The following S100Z variants were observed in gnomAD, a reference collection of about 807,000 sequenced individuals.
The protein encoded by S100Z is S100 calcium binding protein Z, also known as protein S100-Z.
Under a neutral mutation model 8.5 loss-of-function variants are expected in S100Z, and 11 were observed. The observed-to-expected ratio is 1.30, with a 90% confidence interval of 0.82 to 2.15. The LOEUF (loss-of-function observed/expected upper bound fraction) is 2.15, where lower values mean the gene tolerates loss of function less well. Ranked by LOEUF, S100Z falls within the 30% of genes most tolerant of loss-of-function variation. S100Z has a pLI of 0.00. For missense variants in S100Z, 126 were observed against 117.9 expected, an observed-to-expected ratio of 1.07 and a Z score of -0.32; for synonymous variants, 34 against 43.8, an observed-to-expected ratio of 0.78 and a Z score of 0.89.
the S100Z span, among the ~76,000 whole-genome samples, chr5:76,945,486 G>T: frequency 6.6e-6 from 1 of 152,256 alleles, no homozygotes; most frequent in African/African-American, 2.4e-5. Flanking sequence ...TATAAAACCT[G>T]ATTGTACATT....
At chr5:76,926,825 C>T in the S100Z span, among the ~76,000 whole-genome samples, 2 of 152,314 alleles carry the variant, frequency 1.3e-5, no homozygotes, top group Admixed American at 1.3e-4. Flanking sequence ...AAGATTCCCC[C>T]TGAAGAGTTG....
chr5:76,905,530 A>C (rs1331024118), intron 4 of S100Z, among the ~76,000 whole-genome samples: 5 of 152,090 alleles, frequency 3.3e-5, no homozygotes, highest in African/African-American at 4.8e-5. Context: ...CTTCTGCCTC[A>C]GCCTCCTGAG....
the S100Z span, among the ~76,000 whole-genome samples, chr5:76,927,740 A>G: frequency 4.6e-5 from 7 of 152,228 alleles, no homozygotes; most frequent in Non-Finnish European, 1.0e-4. Context: ...GAAGGTGAAG[A>G]CTAACATTCA....
intron 4 of S100Z, among the ~76,000 whole-genome samples, chr5:76,894,382 C>G (rs540643596): frequency 6.6e-6 from 1 of 152,332 alleles, no homozygotes; most frequent in African/African-American, 2.4e-5. Flanking sequence ...CACATGTTCT[C>G]AGGACCTCCT....
At chr5:76,855,442 C>T (rs193175894) in intron 1 of S100Z, among the ~76,000 whole-genome samples, 34 of 152,344 alleles carry the variant, frequency 2.2e-4, no homozygotes, top group Admixed American at 2.2e-3. Flanking sequence ...CCACCCCTTG[C>T]AGCAGTGTGC....
chr5:76,919,612 C>CT (rs1160477384), intron 4 of S100Z, among the ~76,000 whole-genome samples: 5,244 of 118,298 alleles, frequency 0.044, 237 homozygotes, highest in African/African-American at 0.12. Flanking sequence ...TTTTCTCTTC[C>CT]TTTTTTTTTT....
chr5:76,915,546 T>C (rs1042238321), intron 4 of S100Z, among the ~76,000 whole-genome samples: 6 of 150,990 alleles, frequency 4.0e-5, no homozygotes, highest in Non-Finnish European at 3.0e-5. Context: ...AGGTGGAGCT[T>C]GCAATGAGCC....
intron 3 of S100Z, among the ~76,000 whole-genome samples, chr5:76,876,371 ATTT>A (rs796432506): frequency 7.1e-6 from 1 of 141,408 alleles, no homozygotes; most frequent in Admixed American, 7.1e-5. Context: ...TGGCTACTGT[ATTT>A]TTTTTTTTTT....
chr5:76,943,821 C>T, the S100Z span, among the ~76,000 whole-genome samples: 1 of 152,132 alleles, frequency 6.6e-6, no homozygotes, highest in Non-Finnish European at 1.5e-5. Context: ...GACACCCAAT[C>T]CAGGGTCCTT....
At chr5:76,937,019 G>A in the S100Z span, among the ~76,000 whole-genome samples, 4 of 152,046 alleles carry the variant, frequency 2.6e-5, no homozygotes, top group African/African-American at 2.4e-5. Context: ...ATCGTCATAC[G>A]CAAAACAGAA....
At chr5:76,916,717 T>C (rs962132831) in intron 4 of S100Z, among the ~76,000 whole-genome samples, 1 of 152,018 alleles carries the variant, frequency 6.6e-6, no homozygotes, top group Non-Finnish European at 1.5e-5. Flanking sequence ...TAAGGAAAAT[T>C]AAAAACACAT....
chr5:76,903,325 T>C (rs1744301080), intron 4 of S100Z, among the ~76,000 whole-genome samples: 1 of 152,244 alleles, frequency 6.6e-6, no homozygotes, highest in Non-Finnish European at 1.5e-5. Flanking sequence ...GAATTAGGCA[T>C]GATGTAGCCT....
chr5:76,861,708 T>C (rs1028399150), intron 1 of S100Z, among the ~76,000 whole-genome samples: 3 of 152,226 alleles, frequency 2.0e-5, no homozygotes, highest in Non-Finnish European at 4.4e-5. Flanking sequence ...ACACATTCTA[T>C]GTGTTTATTT....
chr5:76,860,054 CAGGGCTCTTAATTGCCGGCAATAAA>C (rs1751011362), intron 1 of S100Z, among the ~76,000 whole-genome samples: 1 of 152,124 alleles, frequency 6.6e-6, no homozygotes, highest in Admixed American at 6.6e-5. Flanking sequence ...GTATATCAGA[CAGGGCTCTTAATTGCCGGCAATAAA>C]AGTTGACTCT....
chr5:76,853,271 C>G (rs181552365), intron 1 of S100Z, among the ~76,000 whole-genome samples: 70 of 152,284 alleles, frequency 4.6e-4, no homozygotes, highest in African/African-American at 1.6e-3. Context: ...TTGCAGCAGT[C>G]ATCTTGTGAC....
intron 4 of S100Z, among the ~76,000 whole-genome samples, chr5:76,880,424 A>G (rs1188842215): frequency 4.6e-5 from 7 of 152,168 alleles, no homozygotes; most frequent in Middle Eastern, 3.4e-3. Flanking sequence ...ATGGAGAGAT[A>G]ATGGGTGATG....
At chr5:76,904,715 A>T (rs977676180) in intron 4 of S100Z, among the ~76,000 whole-genome samples, 12 of 150,756 alleles carry the variant, frequency 8.0e-5, no homozygotes, top group East Asian at 2.0e-4. Context: ...ATTAAAAAAA[A>T]TTTTTTTTTG....
chr5:76,911,458 C>T (rs1013038644), intron 4 of S100Z, among the ~76,000 whole-genome samples: 2 of 152,206 alleles, frequency 1.3e-5, no homozygotes, highest in Admixed American at 6.5e-5. Context: ...TTCCCCTGCA[C>T]TCTGACTCCC....
chr5:76,910,372 T>A (rs1012443445), intron 4 of S100Z, among the ~76,000 whole-genome samples: 1 of 152,074 alleles, frequency 6.6e-6, no homozygotes, highest in African/African-American at 2.4e-5. Flanking sequence ...TGGTGTTCTA[T>A]AATAGGGACC....
Sources: gnomAD v4.1 joint callset for allele counts (sites outside exome capture counted in the v4.1 genomes callset) on GRCh38, gnomAD v4.1.1 for gene constraint, MANE v1.5 for transcripts, NCBI Gene and HGNC (gene_info 2026-07-23, HGNC 2026-07-21) for gene names.